The following MORC3 variants were observed in gnomAD, a reference collection of about 807,000 sequenced individuals.
MORC3 encodes the protein MORC family CW-type zinc finger protein 3.
In MORC3, 31 loss-of-function variants were observed where a neutral mutation model predicts 109.1. The ratio of observed to expected loss-of-function variants is 0.28; its 90% confidence interval spans 0.21 to 0.38. MORC3 has a LOEUF of 0.38. Among genes scored for constraint, MORC3 ranks in the 10% least tolerant of loss-of-function variants. MORC3 has a pLI of 1.00. For synonymous variants in MORC3, 395 were observed against 380.7 expected (o/e 1.04, Z -0.44); for missense variants, 867 against 1,135.8 (o/e 0.76, Z 3.40).
At chr21:36,355,784 C>CA (rs2085638229) in intron 9 of MORC3, among the ~76,000 whole-genome samples, 1 of 143,908 alleles carries the variant, frequency 6.9e-6, no homozygotes, top group Non-Finnish European at 1.5e-5. Context: ...CCTGTCTCTA[C>CA]AAAAAATGAA....
chr21:36,355,955 T>C (rs995887968), intron 9 of MORC3, among the ~76,000 whole-genome samples: 2 of 152,092 alleles, frequency 1.3e-5, no homozygotes, highest in Non-Finnish European at 2.9e-5. Context: ...GTGGGTCCTG[T>C]GGTGTTTTTC....
At chr21:36,342,548 G>A (rs1030094588) in intron 6 of MORC3, among the ~76,000 whole-genome samples, 8 of 151,932 alleles carry the variant, frequency 5.3e-5, no homozygotes, top group Non-Finnish European at 1.0e-4. Context: ...GACTGCAGGC[G>A]TGTGCCACCA....
intron 9 of MORC3, among the ~76,000 whole-genome samples, chr21:36,353,234 G>A (rs2085595679): frequency 6.7e-6 from 1 of 150,310 alleles, no homozygotes; most frequent in Admixed American, 6.7e-5. Flanking sequence ...GCGTGTGGCT[G>A]TAATCCCAGC....
At position 36,369,709 on chromosome 21, in the gene MORC3, GA is replaced by G; in HGVS notation, c.2344del (p.Arg782GlyfsTer2). ...SQYQQALEEI[E>X]RLKKQCSALQ... ...GTATCAGCAAGCTTTGGAAGAAATAGAAAGGCTGAAAAAACAATGTAGTGCT... is the reference window on the plus strand; with the variant it reads ...GTATCAGCAAGCTTTGGAAGAAATAGAAGGCTGAAAAAACAATGTAGTGCT... On this transcript the variant is annotated frameshift_variant, in exon 15 of 17. Transcript: ENST00000400485. LOFTEE classifies it high-confidence loss of function. 1 of 1,614,168 alleles carries G rather than the reference GA, an allele frequency of 6.2e-7. No homozygotes were observed.
intron 1 of MORC3, among the ~76,000 whole-genome samples, chr21:36,328,330 G>A (rs1014647478): frequency 1.4e-5 from 2 of 138,044 alleles, no homozygotes; most frequent in South Asian, 4.6e-4. Flanking sequence ...ATAATAATAA[G>A]CCCCCCCCCG....
chr21:36,369,754 G>C lies in MORC3; in HGVS notation c.2386G>C (p.Glu796Gln). 1 of 1,614,198 alleles carries C rather than the reference G, an allele frequency of 6.2e-7. No individual in the cohort carries two copies. Among genetic ancestry groups the C allele is most frequent in the Non-Finnish European group, 8.5e-7 (1 of 1,180,046 alleles). The change falls in exon 15 of 17, where the codon GAA becomes CAA. Residue 796 changes from glutamate to glutamine, a missense_variant. Glu to Gln is a conservative substitution (Grantham distance 29). Coordinates refer to ENST00000400485, the MANE Select transcript of MORC3 (RefSeq NM_015358.3). ...TAGTGCTTTGCAACATGTAAAGGCT[G>C]AATGCAGCCAGTGTTCCAATAATGA... is the stretch of plus-strand genomic sequence containing the variant. ...QCSALQHVKA[E>Q]CSQCSNNESK...
In MORC3 at chr21:36,344,248, CCTTTTTGTACATATAT is replaced by C. The variant is rs367657770; in HGVS notation, c.757-330_757-315del. On this transcript the variant is annotated intron_variant, in intron 6 of 16. Coordinates refer to ENST00000400485, the MANE Select transcript of MORC3 (RefSeq NM_015358.3). ...CTTGACAGAAAAATCAGAAAATGTA[CCTTTTTGTACATATAT>C]ACATTTTTTAAAATTAAAATGTGAT... 5.1e-3 allele frequency among the ~76,000 whole-genome samples: 779 copies of C among 152,030 alleles called. 4 individuals are homozygous for C. The highest frequency in any genetic ancestry group is 8.7e-3 in the Non-Finnish European group (591 of 68,002).
chr21:36,371,810 G>T (rs374328911), intron 15 of MORC3, among the ~76,000 whole-genome samples: 4 of 144,040 alleles, frequency 2.8e-5, no homozygotes, highest in African/African-American at 8.3e-5. Flanking sequence ...GTTTTGTTTT[G>T]TTTTGTTTTT....
At chr21:36,332,167 GCTTACAC>G (rs2085323795) in intron 1 of MORC3, among the ~76,000 whole-genome samples, 1 of 152,066 alleles carries the variant, frequency 6.6e-6, no homozygotes, top group Non-Finnish European at 1.5e-5. Flanking sequence ...GGGTGTGGTG[GCTTACAC>G]CTGTAATCCC....
At chr21:36,353,804 G>T (rs1226284364) in intron 9 of MORC3, among the ~76,000 whole-genome samples, 4 of 122,736 alleles carry the variant, frequency 3.3e-5, no homozygotes, top group Non-Finnish European at 6.3e-5. Context: ...TGCCACGTTG[G>T]CCAGGGTGGT....
At chr21:36,374,388 G>T (rs944949762) in intron 16 of MORC3, among the ~76,000 whole-genome samples, 1 of 151,992 alleles carries the variant, frequency 6.6e-6, no homozygotes, top group African/African-American at 2.4e-5. Flanking sequence ...TCTGTGCCCG[G>T]CGTAAAAAAA....
intron 15 of MORC3, 120 bp downstream of exon 15, chr21:36,369,996 G>A (rs1490022216): frequency 8.5e-7 from 1 of 1,170,140 alleles, no homozygotes; most frequent in Non-Finnish European, 1.2e-6. Context: ...GGAGGCCAAG[G>A]CGGGTGGGTC....
rs764310959 is a variant in MORC3, at chr21:36,341,554, T to C, written c.756+8T>C. 1.2e-6 allele frequency: 2 copies of C among 1,613,658 alleles called. No individual in the cohort carries two copies. Among genetic ancestry groups the C allele is most frequent in the Non-Finnish European group, 1.7e-6 (2 of 1,179,934 alleles). ...AGTGACTATTCCCTGAGGGTATGTA[T>C]TCAGCTCTCTTTGTGGAAGTGAGAA... On this transcript the variant is annotated splice_region_variant and intron_variant, in intron 6 of 16. Transcript: ENST00000400485.
intron 8 of MORC3, 61 bp downstream of exon 8, chr21:36,345,092 T>C (rs2085492692): frequency 6.2e-6 from 9 of 1,461,494 alleles, no homozygotes; most frequent in Admixed American, 2.3e-5. Flanking sequence ...TAGGATAATA[T>C]ATGCTCTTGA....
intron 9 of MORC3, among the ~76,000 whole-genome samples, chr21:36,353,747 A>AT (rs1569101617): frequency 1.5e-5 from 1 of 65,506 alleles, no homozygotes; most frequent in African/African-American, 8.6e-5. Flanking sequence ...AGCCCGGCTA[A>AT]TTTTTGTATT....
chr21:36,327,595 T>A (rs2085263633), intron 1 of MORC3, among the ~76,000 whole-genome samples: 1 of 151,336 alleles, frequency 6.6e-6, no homozygotes, highest in Non-Finnish European at 1.5e-5. Flanking sequence ...AGATACGTCA[T>A]TTCAAAGTTA....
At chr21:36,360,552 G>A in intron 12 of MORC3, 1 of 415,888 alleles carries the variant, frequency 2.4e-6, no homozygotes, top group Non-Finnish European at 4.4e-6. Flanking sequence ...GAAGCTTATA[G>A]AGAAGGTGTA....
In MORC3 at chr21:36,360,226, A is replaced by T; in HGVS notation, c.1374A>T (p.Val458=). The T allele has an allele frequency of 1.2e-6, 2 of 1,614,150 alleles. No individual in the cohort carries two copies. The highest frequency in any genetic ancestry group is 1.7e-4 in the Middle Eastern group (1 of 6,034). ...AAGAACCTGAAGATGAGGATTTGGT[A>T]CATCCCACTTATGAAAAAACCTACA... ...VPEEPEDEDL[V]HPTYEKTYKK... is the part of the protein sequence containing the mutation. Residue 458 remains valine, a synonymous_variant, in exon 12 of 17, where the codon GTA becomes GTT. Coordinates refer to ENST00000400485, the MANE Select transcript of MORC3 (RefSeq NM_015358.3).
rs925842010 is a variant in MORC3 at position 36,349,443 on chromosome 21, C to G, written c.1103+35C>G. 2.9e-6 allele frequency: 4 copies of G among 1,360,542 alleles called. No individual in the cohort carries two copies. In the African/African-American group the frequency reaches 6.0e-5, roughly 20 times the overall value. 84.3% of individuals were successfully genotyped at this position (1,360,542 alleles called of 1,614,324 possible). On this transcript the variant is annotated intron_variant, in intron 9 of 16. Coordinates refer to ENST00000400485, the MANE Select transcript of MORC3 (RefSeq NM_015358.3). ...CTATTTAAATTATTGACTGAGGTTC[C>G]TAGGAAATGTATTACCAAGAAAGCA... is the stretch of plus-strand genomic sequence containing the variant.
Sources: gnomAD v4.1 joint callset for allele counts (sites outside exome capture counted in the v4.1 genomes callset) on GRCh38, gnomAD v4.1.1 for gene constraint, MANE v1.5 for transcripts, NCBI Gene and HGNC (gene_info 2026-07-23, HGNC 2026-07-21) for gene names.